ANO3: variants seen among roughly 807,000 people sequenced by gnomAD.
ANO3 encodes anoctamin 3.
A neutral mutation model predicts 144.8 loss-of-function variants in ANO3; 99 were observed. That is an observed-to-expected ratio of 0.68 (90% CI 0.58 to 0.81). The LOEUF is 0.81. Ranked by LOEUF, ANO3 falls within the 30% of genes least tolerant of loss-of-function variation. The pLI is 0.00. For synonymous variants in ANO3, 414 were observed against 392.6 expected, an observed-to-expected ratio of 1.05 and a Z score of -0.64; for missense variants, 905 against 1,202.2, an observed-to-expected ratio of 0.75 and a Z score of 3.66.
chr11:26,258,605 T>C lies in ANO3; in HGVS notation c.155-51040T>C, dbSNP rs1217961989. On this transcript the variant is annotated intron_variant, in intron 1 of 27. Coordinates refer to the ANO3 transcript ENST00000672621. ...CTCTTTGATTCATCTTTTCATAGTA[T>C]TAATACTTATTCTCTGTTAAATTAT... Among the ~76,000 whole-genome samples, 8 of 152,318 alleles carry C rather than the reference T, an allele frequency of 5.3e-5. No homozygotes were observed. In the East Asian group the frequency reaches 9.6e-4, roughly 18 times the overall value.
At chr11:26,330,253 T>C (rs1855002566), upstream of ANO3, among the ~76,000 whole-genome samples, 1 of 152,148 alleles carries the variant, frequency 6.6e-6, no homozygotes, top group African/African-American at 2.4e-5. Flanking sequence ...TCTATCAGAA[T>C]TTTAACTCTG....
At chr11:26,359,889 G>A (rs1372295957) in intron 1 of ANO3, among the ~76,000 whole-genome samples, 2 of 151,738 alleles carry the variant, frequency 1.3e-5, no homozygotes, top group Non-Finnish European at 2.9e-5. Context: ...GTGTGTGTGT[G>A]TGTGTGTGTG....
At chr11:26,566,962 C>A in intron 14 of ANO3, 1 of 1,165,990 alleles carries the variant, frequency 8.6e-7, no homozygotes, top group South Asian at 2.7e-5. Flanking sequence ...TTAATAGATG[C>A]TAACCTCCAT....
At chr11:26,529,117 TA>T (rs1281814618) in intron 7 of ANO3, among the ~76,000 whole-genome samples, 1 of 1,908 alleles carries the variant, frequency 5.2e-4, no homozygotes, top group Non-Finnish European at 0.023. Flanking sequence ...TTATTAATAA[TA>T]TATATTATAT....
chr11:26,439,669 G>A (rs1212064660), intron 1 of ANO3, among the ~76,000 whole-genome samples: 1 of 152,070 alleles, frequency 6.6e-6, no homozygotes, highest in African/African-American at 2.4e-5. Flanking sequence ...GAAAAGTCTG[G>A]GATAGATCTG....
intron 14 of ANO3, among the ~76,000 whole-genome samples, chr11:26,596,278 C>T (rs971735806): frequency 4.6e-5 from 7 of 152,086 alleles, no homozygotes; most frequent in African/African-American, 1.7e-4. Flanking sequence ...CTCTCTTTCT[C>T]CTCTCTGCCT....
chr11:26,217,960 A>C (rs1022059270), intron 1 of ANO3, among the ~76,000 whole-genome samples: 1 of 152,112 alleles, frequency 6.6e-6, no homozygotes, highest in African/African-American at 2.4e-5. Flanking sequence ...ATATTGTGAT[A>C]ATGATTGGCA....
Position 26,250,180 on chromosome 11 carries a change from C to G in ANO3, c.155-59465C>G, listed in dbSNP as rs917910838. On this transcript the variant is annotated intron_variant, in intron 1 of 27. Coordinates refer to the ANO3 transcript ENST00000672621. ...CTCTACTACTTGCTTTGCAAAAAGC[C>G]TGCTCATTAACCTCTGAAAATCTTC... Among the ~76,000 whole-genome samples, 4 of 152,312 alleles carry G rather than the reference C, an allele frequency of 2.6e-5. No homozygotes were observed. In the South Asian group the frequency reaches 8.3e-4, roughly 32 times the overall value.
intron 4 of ANO3, among the ~76,000 whole-genome samples, chr11:26,489,916 G>A (rs1860633410): frequency 6.6e-6 from 1 of 152,188 alleles, no homozygotes; most frequent in Non-Finnish European, 1.5e-5. Flanking sequence ...TTGTTCAAAT[G>A]AGACTGGACT....
Position 26,400,744 on chromosome 11 carries a change from T to G in ANO3, c.47-41174T>G, listed in dbSNP as rs539750522. 5.7e-4 allele frequency among the ~76,000 whole-genome samples: 86 copies of G among 151,648 alleles called. 1 individual carries two copies. The South Asian group carries it at 0.015, about 26-fold the overall frequency. ...TATATATATGTATATATTAAACAAT[T>G]AAAGAAAATGGGATTTCCATTAGTA... On this transcript the variant is annotated intron_variant, in intron 1 of 26. Coordinates refer to ENST00000256737, the MANE Select transcript of ANO3 (RefSeq NM_031418.4).
chr11:26,381,852 C>A (rs1209428489), intron 1 of ANO3, among the ~76,000 whole-genome samples: 1 of 152,086 alleles, frequency 6.6e-6, no homozygotes, highest in East Asian at 1.9e-4. Flanking sequence ...CCCAGTAGAG[C>A]AAAGAATTGG....
At chr11:26,243,004 A>T (rs1852694549) in intron 1 of ANO3, among the ~76,000 whole-genome samples, 1 of 151,676 alleles carries the variant, frequency 6.6e-6, no homozygotes, top group Admixed American at 6.6e-5. Context: ...TACAGACTCC[A>T]TGGTTTTGCC....
In ANO3 at chr11:26,565,631, A is replaced by G. The variant is rs754606353; in HGVS notation, c.1447+5852A>G. 37 of 1,613,372 alleles carry G rather than the reference A, an allele frequency of 2.3e-5. No individual in the cohort carries two copies. In the Middle Eastern group the frequency reaches 5.0e-4, roughly 22 times the overall value. ...TTATTCCGTGGCTGTTGTTGGGTAG[A>G]TTCAAAGGAGGGGAATGACTCGCCT... is the stretch of plus-strand genomic sequence containing the variant. On this transcript the variant is annotated intron_variant, in intron 14 of 26. Coordinates refer to ENST00000256737, the MANE Select transcript of ANO3 (RefSeq NM_031418.4).
At chr11:26,231,140 G>C (rs1326382718) in intron 1 of ANO3, among the ~76,000 whole-genome samples, 1 of 152,064 alleles carries the variant, frequency 6.6e-6, no homozygotes, top group Non-Finnish European at 1.5e-5. Flanking sequence ...GCCTCCCAAA[G>C]TGCTGGGATT....
intron 4 of ANO3, among the ~76,000 whole-genome samples, chr11:26,488,923 C>A (rs1860583293): frequency 6.6e-6 from 1 of 152,094 alleles, no homozygotes; most frequent in African/African-American, 2.4e-5. Context: ...GCTGATTGGT[C>A]CACTTTATAG....
chr11:26,309,508 C>A, upstream of ANO3: 1 of 227,036 alleles, frequency 4.4e-6, no homozygotes, highest in Non-Finnish European at 7.3e-6. Flanking sequence ...ACTAATTTGG[C>A]CTATATCAGA....
At chr11:26,457,928 A>G (rs1859230813) in intron 3 of ANO3, among the ~76,000 whole-genome samples, 1 of 152,020 alleles carries the variant, frequency 6.6e-6, no homozygotes, top group African/African-American at 2.4e-5. Context: ...TAACTCTTTG[A>G]TCTTTTTAGA....
chr11:26,462,603 T>C (rs1859448601), intron 3 of ANO3, among the ~76,000 whole-genome samples: 1 of 151,838 alleles, frequency 6.6e-6, no homozygotes, highest in Non-Finnish European at 1.5e-5. Flanking sequence ...ACCCTTCAAA[T>C]TTTTCCAGCT....
chr11:26,625,302 G>C (rs993459055), intron 18 of ANO3, among the ~76,000 whole-genome samples: 1 of 152,090 alleles, frequency 6.6e-6, no homozygotes, highest in Non-Finnish European at 1.5e-5. Flanking sequence ...GCCATTATTG[G>C]ATTTTATCTT....
Sources: gnomAD v4.1 joint callset for allele counts (sites outside exome capture counted in the v4.1 genomes callset) on GRCh38, gnomAD v4.1.1 for gene constraint, MANE v1.5 for transcripts, NCBI Gene and HGNC (gene_info 2026-07-23, HGNC 2026-07-21) for gene names.